The following PRORP variants were observed in gnomAD, a reference collection of about 807,000 sequenced individuals.
The protein encoded by PRORP is mitochondrial ribonuclease P catalytic subunit.
PRORP carries 51 observed loss-of-function variants against 59.4 expected under a neutral mutation model. The ratio of observed to expected loss-of-function variants is 0.86; its 90% CI spans 0.69 to 1.08. The LOEUF (loss-of-function observed/expected upper bound fraction) is 1.08. Among genes scored for constraint, PRORP ranks in the 50% least tolerant of loss-of-function variants. The pLI, the probability that PRORP is intolerant of heterozygous loss-of-function variation, is 0.00. For synonymous variants in PRORP, 231 were observed against 245.6 expected, an observed-to-expected ratio of 0.94 and a Z score of 0.55; for missense variants, 646 against 690.3, an observed-to-expected ratio of 0.94 and a Z score of 0.72.
At chr14:35,231,847 T>C (rs2050089806) in intron 5 of PRORP, among the ~76,000 whole-genome samples, 1 of 152,226 alleles carries the variant, frequency 6.6e-6, no homozygotes, top group African/African-American at 2.4e-5. Flanking sequence ...ACTTTAGGTC[T>C]AGTTGAAACC....
chr14:35,195,205 A>T (rs1358006984), intron 5 of PRORP, among the ~76,000 whole-genome samples: 1 of 152,196 alleles, frequency 6.6e-6, no homozygotes, highest in Non-Finnish European at 1.5e-5. Flanking sequence ...ATCTATTCAA[A>T]ATATACAGTG....
intron 5 of PRORP, chr14:35,219,132 T>C (rs1235294799): frequency 2.0e-5 from 3 of 152,202 alleles, no homozygotes; most frequent in African/African-American, 7.2e-5. Flanking sequence ...ACCTTAGCTC[T>C]GCACACCATG....
At chr14:35,169,997 G>A (rs2048275998) in intron 4 of PRORP, among the ~76,000 whole-genome samples, 1 of 152,124 alleles carries the variant, frequency 6.6e-6, no homozygotes, top group Non-Finnish European at 1.5e-5. Context: ...ACATCTTGAA[G>A]CTCTATTGTT....
intron 4 of PRORP, among the ~76,000 whole-genome samples, chr14:35,171,404 T>C (rs931910224): frequency 2.0e-5 from 3 of 152,236 alleles, no homozygotes; most frequent in Admixed American, 6.5e-5. Context: ...TTACTAGATA[T>C]AGAATTGTGG....
At chr14:35,166,374 TC>T (rs2048184615) in intron 4 of PRORP, among the ~76,000 whole-genome samples, 1 of 152,156 alleles carries the variant, frequency 6.6e-6, no homozygotes, top group African/African-American at 2.4e-5. Flanking sequence ...ACCGAATTTG[TC>T]CTCTTCTTTG....
chr14:35,132,239 G>C (rs1455942975), intron 4 of PRORP, among the ~76,000 whole-genome samples: 3 of 147,804 alleles, frequency 2.0e-5, no homozygotes, highest in East Asian at 2.1e-4. Context: ...GGGTGGATCA[G>C]CTGGGGTCAG....
chr14:35,256,476 C>T (rs530379012), intron 5 of PRORP, among the ~76,000 whole-genome samples: 14 of 150,728 alleles, frequency 9.3e-5, no homozygotes, highest in Non-Finnish European at 1.6e-4. Flanking sequence ...CGATTACAGG[C>T]GCCTGCCACC....
chr14:35,178,155 A>G (rs902537806), intron 4 of PRORP, among the ~76,000 whole-genome samples: 23 of 152,170 alleles, frequency 1.5e-4, no homozygotes, highest in Non-Finnish European at 2.5e-4. Flanking sequence ...GGAGTGCTTT[A>G]CTTCCAACTA....
chr14:35,161,565 G>T (rs1034164089), intron 4 of PRORP, among the ~76,000 whole-genome samples: 1 of 152,026 alleles, frequency 6.6e-6, no homozygotes, highest in Non-Finnish European at 1.5e-5. Flanking sequence ...CAGGACTCAG[G>T]CTGTGTTACT....
intron 4 of PRORP, among the ~76,000 whole-genome samples, chr14:35,172,107 G>A (rs1375078653): frequency 6.8e-6 from 1 of 147,910 alleles, no homozygotes; most frequent in African/African-American, 2.5e-5. Flanking sequence ...GGAGTACAGT[G>A]GTATAATCTT....
chr14:35,270,492 G>T lies in PRORP; in HGVS notation c.1516G>T (p.Ala506Ser), dbSNP rs540037840. The change falls in exon 7 of 8, where the codon GCC (alanine) becomes TCC (serine). Residue 506 changes from alanine to serine, a missense_variant. Transcript: ENST00000534898. Reference protein sequence around the residue: ...ITRDLMRDHKACLPDAKTQRL... With the variant: ...ITRDLMRDHKSCLPDAKTQRL... The stretch of plus-strand genomic sequence containing the variant: ...AAGAGACCTGATGCGGGACCACAAG[G>T]CCTGTCTGCCTGATGCCAAGACCCA... The T allele has an allele frequency of 1.9e-6, 3 of 1,614,170 alleles. No individual in the cohort carries two copies. The highest frequency in any genetic ancestry group is 1.1e-5 in the South Asian group (1 of 91,084).
rs570207285 is a variant in PRORP, at chr14:35,174,560, G to A, written c.1168-6110G>A. ...ATATTTGTTGAATTAATGATTGGCT[G>A]AATCTTTACCTCTCCAAAACAGCCA... is the stretch of plus-strand genomic sequence containing the variant. On this transcript the variant is annotated intron_variant, in intron 4 of 7. Coordinates refer to ENST00000534898, the MANE Select transcript of PRORP (RefSeq NM_014672.4). 8.2e-4 allele frequency among the ~76,000 whole-genome samples: 125 copies of A among 152,130 alleles called. 1 individual carries two copies. The highest frequency in any genetic ancestry group is 2.9e-3 in the African/African-American group (119 of 41,506).
intron 5 of PRORP, among the ~76,000 whole-genome samples, chr14:35,239,631 A>G (rs2050310514): frequency 1.3e-5 from 2 of 152,238 alleles, no homozygotes; most frequent in African/African-American, 4.8e-5. Flanking sequence ...GGTTACATGT[A>G]CATGACACAT....
At chr14:35,221,834 C>T (rs1207497081) in intron 5 of PRORP, among the ~76,000 whole-genome samples, 1 of 152,190 alleles carries the variant, frequency 6.6e-6, no homozygotes, top group African/African-American at 2.4e-5. Flanking sequence ...TTCTATTCTT[C>T]CCTTTCTCCC....
chr14:35,251,494 G>A (rs769450490), intron 5 of PRORP, among the ~76,000 whole-genome samples: 3 of 151,988 alleles, frequency 2.0e-5, no homozygotes, highest in East Asian at 1.9e-4. Context: ...GAAAATTATC[G>A]AAGATAATTT....
chr14:35,180,833 A>G, intron 5 of PRORP, 56 bp downstream of exon 5: 2 of 1,150,798 alleles, frequency 1.7e-6, no homozygotes, highest in South Asian at 2.6e-5. Flanking sequence ...TATTATACCC[A>G]TTTATGACCT....
intron 5 of PRORP, among the ~76,000 whole-genome samples, chr14:35,207,219 C>T (rs1175549368): frequency 6.6e-6 from 1 of 152,194 alleles, no homozygotes; most frequent in East Asian, 1.9e-4. Context: ...ACATGAGATA[C>T]ATGCTGAAAT....
intron 5 of PRORP, among the ~76,000 whole-genome samples, chr14:35,204,646 GA>G (rs201463595): frequency 6.7e-6 from 1 of 150,058 alleles, no homozygotes; most frequent in African/African-American, 2.4e-5. Flanking sequence ...GGGGAAATAA[GA>G]AAAAAAAAGA....
chr14:35,181,243 C>A (rs779282517), intron 5 of PRORP, among the ~76,000 whole-genome samples: 4 of 151,852 alleles, frequency 2.6e-5, no homozygotes, highest in African/African-American at 7.3e-5. Context: ...TATATGGTAG[C>A]CATTTGTTAA....
Sources: allele counts gnomAD v4.1 joint callset (sites outside exome capture counted in the v4.1 genomes callset), GRCh38; gene constraint gnomAD v4.1.1; transcripts MANE v1.5; gene names NCBI Gene and HGNC (gene_info 2026-07-23, HGNC 2026-07-21).